DMD: variants seen among roughly 807,000 people sequenced by gnomAD.
DMD encodes the protein dystrophin.
Under a neutral mutation model 330.1 loss-of-function variants are expected in DMD, and 63 were observed. The ratio of observed to expected loss-of-function variants is 0.19; its 90% CI spans 0.16 to 0.24. DMD has a LOEUF of 0.24. DMD is among the 10% of genes least tolerant of loss of function. The pLI is 1.00. For missense variants in DMD, 3,344 were observed against 2,684.1 expected (o/e 1.25, Z -5.43); for synonymous variants, 1,223 against 959.8 (o/e 1.27, Z -5.07).
chrX:33,154,128 G>A (rs2048394291), intron 1 of DMD, among the ~76,000 whole-genome samples: 1 of 112,096 alleles, frequency 8.9e-6, no homozygotes, highest in African/African-American at 3.2e-5. Context: ...CAGGCACGGT[G>A]GCTCATGCCT....
At chrX:32,863,537 T>TACACACACACACACACACACAC (rs199774174) in intron 2 of DMD, among the ~76,000 whole-genome samples, 58 of 78,227 alleles carry the variant, frequency 7.4e-4, no homozygotes, top group African/African-American at 3.5e-3. Context: ...ATTGTGTTTA[T>TACACACACACACACACACACAC]ACACACACAC....
chrX:32,753,163 A>C (rs2091467518), intron 7 of DMD, among the ~76,000 whole-genome samples: 1 of 111,321 alleles, frequency 9.0e-6, no homozygotes, highest in Non-Finnish European at 1.9e-5. Flanking sequence ...TCCTTCAAAA[A>C]GACTTCATTT....
intron 44 of DMD, among the ~76,000 whole-genome samples, chrX:32,027,183 C>CACACACACACAG (rs774715155): frequency 0.026 from 2,504 of 97,419 alleles, 63 homozygotes; most frequent in South Asian, 0.074. Context: ...CACACACACA[C>CACACACACACAG]AGAGAGAGAG....
At chrX:33,120,878 C>CAAAA (rs1171070469) in intron 1 of DMD, among the ~76,000 whole-genome samples, 5 of 36,691 alleles carry the variant, frequency 1.4e-4, no homozygotes, top group African/African-American at 6.4e-4. Flanking sequence ...ATGACTCTCT[C>CAAAA]AAAAAAAAAA....
intron 21 of DMD, 115 bp from the exon 22 acceptor site, chrX:32,472,424 T>C (rs1320605459): frequency 2.8e-6 from 2 of 716,544 alleles, no homozygotes; most frequent in East Asian, 7.0e-5. Context: ...TTAACAAAAT[T>C]AGAAAATCTG....
chrX:31,654,016 G>C (rs928396763), intron 54 of DMD, among the ~76,000 whole-genome samples: 4 of 111,337 alleles, frequency 3.6e-5, no homozygotes, highest in African/African-American at 6.5e-5. Flanking sequence ...AAAATGGCAA[G>C]TAAAAATGAT....
intron 1 of DMD, among the ~76,000 whole-genome samples, chrX:33,219,306 TTGTGTGTGTGTGTGTG>T (rs56332488): frequency 3.5e-3 from 252 of 72,983 alleles, no homozygotes; most frequent in African/African-American, 9.5e-3. Context: ...TTAGAGATTA[TTGTGTGTGTGTGTGTG>T]TGTGTGTGTG....
In DMD at chrX:32,434,579, G is replaced by A. The variant is rs185325037; in HGVS notation, c.4071+3662C>T. On this transcript the variant is annotated intron_variant, in intron 29 of 78. Coordinates refer to ENST00000357033, the MANE Select transcript of DMD (RefSeq NM_004006.3). ...AAATTGATTTAAAAACTCAGTTACTGTAATCATTTTGTTTCTTCAGCCTCT... is the reference window on the plus strand; with the variant it reads ...AAATTGATTTAAAAACTCAGTTACTATAATCATTTTGTTTCTTCAGCCTCT... 1.3e-4 allele frequency among the ~76,000 whole-genome samples: 14 copies of A among 111,953 alleles called. 1 individual carries two copies. The highest frequency in any genetic ancestry group is 9.5e-4 in the Admixed American group (10 of 10,569).
At chrX:33,276,970 T>TGTAC (rs1275198478) in intron 1 of DMD, among the ~76,000 whole-genome samples, 1 of 112,188 alleles carries the variant, frequency 8.9e-6, no homozygotes, top group Non-Finnish European at 1.9e-5. Context: ...TCACCATTTA[T>TGTAC]GTACGTATAC....
intron 59 of DMD, among the ~76,000 whole-genome samples, chrX:31,471,192 G>A (rs2067269762): frequency 2.7e-5 from 3 of 111,094 alleles, no homozygotes; most frequent in Non-Finnish European, 5.7e-5. Context: ...AGGTGACGCT[G>A]GGATATGAAA....
chrX:31,865,133 T>C (rs1351234276), intron 48 of DMD, among the ~76,000 whole-genome samples: 3 of 112,164 alleles, frequency 2.7e-5, no homozygotes, highest in Non-Finnish European at 5.6e-5. Context: ...AAGATTATGG[T>C]ACCCAGTGTT....
At chrX:33,071,104 T>C (rs1167446166) in intron 1 of DMD, among the ~76,000 whole-genome samples, 1 of 111,297 alleles carries the variant, frequency 9.0e-6, no homozygotes, top group African/African-American at 3.3e-5. Context: ...TTACTAATTA[T>C]GTGATCTTGA....
intron 74 of DMD, among the ~76,000 whole-genome samples, chrX:31,150,901 G>A (rs1052116892): frequency 5.4e-5 from 6 of 111,517 alleles, no homozygotes; most frequent in African/African-American, 2.0e-4. Flanking sequence ...AAGGTTTCCA[G>A]GAATTTATTT....
intron 47 of DMD, among the ~76,000 whole-genome samples, chrX:31,906,960 T>C (rs1434919510): frequency 8.9e-6 from 1 of 112,372 alleles, no homozygotes; most frequent in Non-Finnish European, 1.9e-5. Context: ...CACCAGAATG[T>C]AAGACACACA....
intron 60 of DMD, among the ~76,000 whole-genome samples, chrX:31,387,056 G>C (rs909493127): frequency 1.4e-4 from 16 of 111,733 alleles, no homozygotes; most frequent in African/African-American, 4.6e-4. Context: ...GAGCATTACA[G>C]GTGACACAAA....
At chrX:31,246,210 A>G (rs2048819030) in intron 63 of DMD, among the ~76,000 whole-genome samples, 1 of 112,527 alleles carries the variant, frequency 8.9e-6, no homozygotes, top group Non-Finnish European at 1.9e-5. Flanking sequence ...CCTAATCCAG[A>G]GCAAAACCTT....
chrX:32,820,684 C>T (rs1236421455), intron 5 of DMD, among the ~76,000 whole-genome samples: 1 of 111,445 alleles, frequency 9.0e-6, no homozygotes, highest in Non-Finnish European at 1.9e-5. Context: ...TCAAAACTTA[C>T]ATCTGTCTTA....
At chrX:32,489,432 T>C (rs1026610962) in intron 20 of DMD, among the ~76,000 whole-genome samples, 3 of 110,487 alleles carry the variant, frequency 2.7e-5, no homozygotes, top group East Asian at 5.8e-4. Context: ...ATAGCCCTCA[T>C]TCTCTCTCTC....
At chrX:32,839,328 C>G (rs950659958) in intron 4 of DMD, among the ~76,000 whole-genome samples, 19 of 111,745 alleles carry the variant, frequency 1.7e-4, no homozygotes, top group Non-Finnish European at 3.0e-4. Context: ...TTCTCCAGGT[C>G]TCTGCTCATA....
Sources: allele counts gnomAD v4.1 joint callset (sites outside exome capture counted in the v4.1 genomes callset), GRCh38; gene constraint gnomAD v4.1.1; transcripts MANE v1.5; gene names NCBI Gene and HGNC (gene_info 2026-07-23, HGNC 2026-07-21).